The following PBX3 variants were observed in gnomAD, a reference collection of about 807,000 sequenced individuals.
PBX3 encodes the protein pre-B-cell leukemia transcription factor 3.
In PBX3, 14 loss-of-function variants were observed where a neutral mutation model predicts 48.5. The observed-to-expected ratio is 0.29, with a 90% CI of 0.19 to 0.45. The LOEUF is 0.45. Ranked by LOEUF, PBX3 falls within the 20% of genes least tolerant of loss-of-function variation. PBX3 has a pLI of 1.00. For synonymous variants in PBX3, 210 were observed against 200.3 expected (o/e 1.05, Z -0.41); for missense variants, 386 against 546.7 (o/e 0.71, Z 2.93).
intron 5 of PBX3, among the ~76,000 whole-genome samples, chr9:125,954,680 C>T (rs571710910): frequency 2.0e-4 from 30 of 152,248 alleles, no homozygotes; most frequent in African/African-American, 7.0e-4. Flanking sequence ...GGACTACAGG[C>T]GTGCACCACC....
intron 2 of PBX3, among the ~76,000 whole-genome samples, chr9:125,896,280 A>T (rs1840766013): frequency 1.3e-5 from 2 of 151,830 alleles, no homozygotes; most frequent in South Asian, 4.1e-4. Context: ...AACCTAGAAT[A>T]AAAAAAACTA....
intron 3 of PBX3, among the ~76,000 whole-genome samples, chr9:125,917,335 C>T (rs1841356521): frequency 6.6e-6 from 1 of 152,206 alleles, no homozygotes; most frequent in Admixed American, 6.5e-5. Context: ...CATCCCCCAC[C>T]AGAGGGGTTC....
chr9:125,877,309 C>G (rs1043939935), intron 2 of PBX3, among the ~76,000 whole-genome samples: 1 of 152,178 alleles, frequency 6.6e-6, no homozygotes, highest in African/African-American at 2.4e-5. Flanking sequence ...ATAAAATAAG[C>G]CTTCTCCGAT....
intron 2 of PBX3, among the ~76,000 whole-genome samples, chr9:125,802,925 C>T (rs11794655): frequency 1.2e-4 from 18 of 151,314 alleles, no homozygotes; most frequent in Admixed American, 4.6e-4. Context: ...GTGATCTGCC[C>T]GCCTCGGCCT....
intron 2 of PBX3, among the ~76,000 whole-genome samples, chr9:125,774,305 G>T (rs956837672): frequency 2.0e-5 from 3 of 152,160 alleles, no homozygotes; most frequent in Non-Finnish European, 4.4e-5. Flanking sequence ...GTCACCTCCT[G>T]CCAGGCCCCA....
intron 2 of PBX3, among the ~76,000 whole-genome samples, chr9:125,891,187 T>C (rs1395237505): frequency 6.6e-6 from 1 of 152,228 alleles, no homozygotes; most frequent in African/African-American, 2.4e-5. Flanking sequence ...TGAACTATTT[T>C]CAAAAACAAA....
At chr9:125,952,129 A>G (rs1842207886) in intron 5 of PBX3, among the ~76,000 whole-genome samples, 1 of 152,270 alleles carries the variant, frequency 6.6e-6, no homozygotes. Context: ...TCAACATTTC[A>G]TAATCTGTTA....
intron 2 of PBX3, among the ~76,000 whole-genome samples, chr9:125,884,905 A>T (rs1033679694): frequency 3.3e-5 from 5 of 152,318 alleles, no homozygotes; most frequent in Non-Finnish European, 5.9e-5. Flanking sequence ...AAGTATCATT[A>T]TGACTTTCAA....
chr9:125,889,299 G>A (rs971801479), intron 2 of PBX3, among the ~76,000 whole-genome samples: 23 of 152,228 alleles, frequency 1.5e-4, no homozygotes, highest in African/African-American at 5.1e-4. Context: ...CTGCACACGT[G>A]GGGAGCAGGG....
intron 2 of PBX3, among the ~76,000 whole-genome samples, chr9:125,854,831 C>A (rs1839678618): frequency 6.6e-6 from 1 of 152,064 alleles, no homozygotes; most frequent in Non-Finnish European, 1.5e-5. Flanking sequence ...TTCCAAACTC[C>A]CAGTTTTGCT....
intron 2 of PBX3, among the ~76,000 whole-genome samples, chr9:125,805,711 TA>T (rs1039495948): frequency 6.6e-6 from 1 of 152,166 alleles, no homozygotes; most frequent in Non-Finnish European, 1.5e-5. Context: ...AACACTTGGT[TA>T]AATGATGGTG....
At chr9:125,880,294 C>T (rs776743084) in intron 2 of PBX3, among the ~76,000 whole-genome samples, 2 of 152,198 alleles carry the variant, frequency 1.3e-5, no homozygotes, top group Non-Finnish European at 2.9e-5. Context: ...CCGCCTGCCT[C>T]GGCCTCCCAA....
rs905716961 is a variant in PBX3 at position 125,807,851 on chromosome 9, A to G, written c.274+59228A>G. Among the ~76,000 whole-genome samples, 6 of 152,330 alleles carry G rather than the reference A, an allele frequency of 3.9e-5. No individual in the cohort carries two copies. The South Asian group carries it at 1.0e-3, about 26-fold the overall frequency. On this transcript the variant is annotated intron_variant, in intron 2 of 8. Transcript: ENST00000373489. ...AGGAATAAAGTTTCCTGGGCAGGATATATCAGTGTTTATGTTATCAAAAAG... is the reference window on the plus strand; with the variant it reads ...AGGAATAAAGTTTCCTGGGCAGGATGTATCAGTGTTTATGTTATCAAAAAG...
chr9:125,939,243 A>G (rs1281451375), intron 5 of PBX3, among the ~76,000 whole-genome samples: 2 of 152,184 alleles, frequency 1.3e-5, no homozygotes, highest in African/African-American at 4.8e-5. Flanking sequence ...AAAATATATA[A>G]GGAACTCCTA....
chr9:125,868,287 C>T lies in PBX3; in HGVS notation c.275-47399C>T, dbSNP rs565853560. 2.2e-3 allele frequency among the ~76,000 whole-genome samples: 335 copies of T among 152,108 alleles called. 2 individuals are homozygous for T. Among genetic ancestry groups the T allele is most frequent in the African/African-American group, 7.7e-3 (319 of 41,480 alleles). On this transcript the variant is annotated intron_variant, in intron 2 of 8. Transcript: ENST00000373489. ...ACCCTATGAGTAGGTACTGTTATAC[C>T]CATTTTATAAAGAAAACGAAAACCA...
intron 2 of PBX3, among the ~76,000 whole-genome samples, chr9:125,770,091 G>A (rs12235427): frequency 0.02 from 3,037 of 152,274 alleles, 170 homozygotes; most frequent in East Asian, 0.17. Flanking sequence ...ATTTTAAGTG[G>A]CAAGGAAGAA....
At chr9:125,957,974 A>G (rs1029941738) in intron 5 of PBX3, among the ~76,000 whole-genome samples, 1 of 152,246 alleles carries the variant, frequency 6.6e-6, no homozygotes, top group African/African-American at 2.4e-5. Context: ...ATTGGGAAAC[A>G]TGAGGTAAGG....
At chr9:125,857,282 G>C (rs1439532065) in intron 2 of PBX3, among the ~76,000 whole-genome samples, 1 of 152,068 alleles carries the variant, frequency 6.6e-6, no homozygotes, top group South Asian at 2.1e-4. Flanking sequence ...TACTGGTTCA[G>C]AATCCCTAAT....
At chr9:125,888,565 T>C (rs1481464001) in intron 2 of PBX3, among the ~76,000 whole-genome samples, 1 of 151,998 alleles carries the variant, frequency 6.6e-6, no homozygotes, top group Non-Finnish European at 1.5e-5. Context: ...TTTCTTTTTT[T>C]TTTTTTGGCC....
Sources: gnomAD v4.1 joint callset for allele counts (sites outside exome capture counted in the v4.1 genomes callset) on GRCh38, gnomAD v4.1.1 for gene constraint, MANE v1.5 for transcripts, NCBI Gene and HGNC (gene_info 2026-07-23, HGNC 2026-07-21) for gene names.